Variants in NUP210L observed in about 807,000 individuals in gnomAD.
NUP210L encodes the protein nucleoporin 210 like, also known as nuclear pore membrane glycoprotein 210-like.
NUP210L carries 74 observed loss-of-function variants against 208.5 expected under a neutral mutation model. The observed-to-expected ratio is 0.35, with a 90% CI of 0.29 to 0.43. The LOEUF (loss-of-function observed/expected upper bound fraction) is 0.43. Ranked by LOEUF, NUP210L falls within the 20% of genes least tolerant of loss-of-function variation. The pLI is 1.00. For synonymous variants in NUP210L, 780 were observed against 816.9 expected (o/e 0.95, Z 0.77); for missense variants, 1,843 against 2,289.4 (o/e 0.81, Z 3.98).
intron 25 of NUP210L, among the ~76,000 whole-genome samples, chr1:154,047,126 TATGGGGATGATTA>T (rs1284360368): frequency 6.6e-6 from 1 of 152,076 alleles, no homozygotes; most frequent in Non-Finnish European, 1.5e-5. Context: ...GTAGGGGGGC[TATGGGGATGATTA>T]ATGGGCAGAA....
intron 32 of NUP210L, among the ~76,000 whole-genome samples, chr1:154,019,930 AAAAC>A (rs776763489): frequency 9.6e-4 from 146 of 152,328 alleles, no homozygotes; most frequent in African/African-American, 2.2e-3. Flanking sequence ...CTGTCTCAAA[AAAAC>A]AAACAAACAA....
chr1:154,072,327 C>CTTTTTTTTTTTT (rs1213732819), intron 16 of NUP210L, among the ~76,000 whole-genome samples: 1 of 80,248 alleles, frequency 1.2e-5, no homozygotes, highest in Middle Eastern at 0.013. Flanking sequence ...ATGGCCATTC[C>CTTTTTTTTTTTT]TTTTTTTTTT....
At chr1:154,019,965 AAAT>A (rs1302910302) in intron 32 of NUP210L, among the ~76,000 whole-genome samples, 2 of 152,054 alleles carry the variant, frequency 1.3e-5, no homozygotes, top group Non-Finnish European at 2.9e-5. Context: ...AGAGGGTAAA[AAAT>A]ACTCTGCTTC....
chr1:154,041,781 A>T (rs1652893700), intron 27 of NUP210L, among the ~76,000 whole-genome samples: 2 of 152,156 alleles, frequency 1.3e-5, no homozygotes, highest in South Asian at 4.1e-4. Flanking sequence ...CAGGACCACC[A>T]CTAAGGCAAA....
intron 16 of NUP210L, among the ~76,000 whole-genome samples, chr1:154,084,623 G>T (rs1441603782): frequency 2.0e-5 from 3 of 151,220 alleles, no homozygotes; most frequent in African/African-American, 7.3e-5. Context: ...TTGAGACCAG[G>T]TTACAAGACT....
chr1:154,114,299 T>C (rs985496004), intron 12 of NUP210L, among the ~76,000 whole-genome samples: 2 of 152,090 alleles, frequency 1.3e-5, no homozygotes, highest in Non-Finnish European at 2.9e-5. Context: ...AAAAAATTAA[T>C]AAATAAAATA....
intron 2 of NUP210L, among the ~76,000 whole-genome samples, chr1:154,147,891 G>A (rs1201427310): frequency 1.4e-5 from 2 of 147,292 alleles, no homozygotes; most frequent in Non-Finnish European, 3.0e-5. Context: ...TCCTGACCTC[G>A]TAATCCACCC....
At chr1:154,046,111 C>T in exon 27 of NUP210L, 2 of 1,614,144 alleles carry the variant, frequency 1.2e-6, no homozygotes, top group Non-Finnish European at 1.7e-6. Flanking sequence ...CCCTTTTGCT[C>T]ATAGACCAGT....
intron 2 of NUP210L, 46 bp downstream of exon 2, chr1:154,152,690 T>G: frequency 6.4e-7 from 1 of 1,554,122 alleles, no homozygotes; most frequent in Non-Finnish European, 8.8e-7. Flanking sequence ...ACCAGATTAT[T>G]CTACCCCAGA....
At chr1:154,138,320 T>C (rs1658652844) in intron 5 of NUP210L, 82 bp from the exon 6 acceptor site, 1 of 1,274,716 alleles carries the variant, frequency 7.8e-7, no homozygotes. Flanking sequence ...AAAAGCTTAC[T>C]TCTTTTAAAC....
rs539067077 is a variant in NUP210L at position 154,083,637 on chromosome 1, G to A, written c.2361+5784C>T. Among the ~76,000 whole-genome samples, 3 of 152,062 alleles carry A rather than the reference G, an allele frequency of 2.0e-5. No individual in the cohort carries two copies. In the South Asian group the frequency reaches 6.2e-4, roughly 32 times the overall value. On this transcript the variant is annotated intron_variant, in intron 16 of 39. Transcript: ENST00000368559. Reference sequence around the variant, plus strand: ...TGGTGTCTGCTGCTTGATGTGTGGGGAAAAAACCCATACGTTTGGTTACAG... The same window carrying A: ...TGGTGTCTGCTGCTTGATGTGTGGGAAAAAAACCCATACGTTTGGTTACAG...
chr1:154,085,501 A>G (rs1350044040), intron 16 of NUP210L, among the ~76,000 whole-genome samples: 1 of 152,120 alleles, frequency 6.6e-6, no homozygotes, highest in Non-Finnish European at 1.5e-5. Flanking sequence ...ATACCAATAA[A>G]CAGAAAGACA....
At chr1:154,122,077 A>G (rs1262683475) in intron 10 of NUP210L, among the ~76,000 whole-genome samples, 1 of 152,154 alleles carries the variant, frequency 6.6e-6, no homozygotes, top group Non-Finnish European at 1.5e-5. Flanking sequence ...GACATAAATG[A>G]CCAATATCAG....
intron 37 of NUP210L, 124 bp from the exon 38 acceptor site, chr1:153,995,304 G>A: frequency 1.5e-6 from 1 of 673,376 alleles, no homozygotes; most frequent in Non-Finnish European, 2.6e-6. Flanking sequence ...CAGGCTGGAG[G>A]GCAGTGGTGC....
intron 27 of NUP210L, among the ~76,000 whole-genome samples, chr1:154,039,687 A>T (rs1299432342): frequency 6.6e-6 from 1 of 152,052 alleles, no homozygotes; most frequent in Non-Finnish European, 1.5e-5. Context: ...GACATATTTG[A>T]GCTCCTTTGT....
At chr1:154,149,777 T>C (rs760600563) in intron 2 of NUP210L, among the ~76,000 whole-genome samples, 2 of 152,158 alleles carry the variant, frequency 1.3e-5, no homozygotes, top group African/African-American at 2.4e-5. Flanking sequence ...TTAGAATGAT[T>C]AGGAGAAATA....
rs57011341 is a variant in NUP210L at position 154,036,314 on chromosome 1, ATGTGTGTGTGTGTGTGTGTGTG to A, written c.3697-6282_3697-6261del. On this transcript the variant is annotated intron_variant, in intron 27 of 39. Coordinates refer to ENST00000368559, the Ensembl canonical transcript of NUP210L. ...ATTTAATGTATAGGACAGTTGGAAC[ATGTGTGTGTGTGTGTGTGTGTG>A]TGTGTGTGTGTGTGTGTGTGTGTGT... is the stretch of plus-strand genomic sequence containing the variant. Among the ~76,000 whole-genome samples the A allele has an allele frequency of 3.8e-3, 407 of 108,178 alleles. 3 individuals are homozygous for A. Among genetic ancestry groups the A allele is most frequent in the Non-Finnish European group, 5.1e-3 (290 of 57,088 alleles). The allele number at this position is 108,178 out of a possible 152,430, so 71.0% of individuals were successfully genotyped here.
intron 17 of NUP210L, among the ~76,000 whole-genome samples, chr1:154,063,757 C>T (rs1654257081): frequency 6.6e-6 from 1 of 151,990 alleles, no homozygotes; most frequent in Admixed American, 6.6e-5. Context: ...TAGTGCAGTG[C>T]CTGGCATGTC....
intron 33 of NUP210L, among the ~76,000 whole-genome samples, chr1:154,015,343 C>T (rs753488087): frequency 2.4e-4 from 36 of 148,772 alleles, no homozygotes; most frequent in Non-Finnish European, 4.9e-4. Context: ...CCCAGCACTT[C>T]GGGAGGCTGA....
Sources: gnomAD v4.1 joint callset for allele counts (sites outside exome capture counted in the v4.1 genomes callset) on GRCh38, gnomAD v4.1.1 for gene constraint, MANE v1.5 for transcripts, NCBI Gene and HGNC (gene_info 2026-07-23, HGNC 2026-07-21) for gene names.